Variants in SIL1 observed in about 807,000 individuals in gnomAD.
SIL1 encodes the protein nucleotide exchange factor SIL1.
A neutral mutation model predicts 49.1 loss-of-function variants in SIL1; 40 were observed. That is an observed-to-expected ratio of 0.81 (90% CI 0.63 to 1.06). The LOEUF (loss-of-function observed/expected upper bound fraction) is 1.06. Among genes scored for constraint, SIL1 ranks in the 50% least tolerant of loss-of-function variants. The pLI is 0.00. For missense variants in SIL1, 500 were observed against 572.6 expected, an observed-to-expected ratio of 0.87 and a Z score of 1.29; for synonymous variants, 253 against 250.8, an observed-to-expected ratio of 1.01 and a Z score of -0.08.
At chr5:139,194,586 A>G (rs1430319305) in intron 1 of SIL1, among the ~76,000 whole-genome samples, 1 of 152,230 alleles carries the variant, frequency 6.6e-6, no homozygotes, top group Non-Finnish European at 1.5e-5. Flanking sequence ...AAGAGAGAAG[A>G]TTAGCTCCAC....
chr5:139,115,964 T>C (rs1770978801), intron 3 of SIL1, among the ~76,000 whole-genome samples: 1 of 152,134 alleles, frequency 6.6e-6, no homozygotes, highest in South Asian at 2.1e-4. Context: ...ACATAGACAT[T>C]GGCAGATTTG....
chr5:139,065,030 G>A (rs1769674665), intron 3 of SIL1, among the ~76,000 whole-genome samples: 1 of 152,208 alleles, frequency 6.6e-6, no homozygotes, highest in Non-Finnish European at 1.5e-5. Flanking sequence ...TGCCATGATA[G>A]ATGCTCAAAC....
chr5:139,038,691 G>C (rs572170974), intron 5 of SIL1, among the ~76,000 whole-genome samples: 2 of 152,338 alleles, frequency 1.3e-5, no homozygotes, highest in African/African-American at 4.8e-5. Context: ...TGGCCACTGG[G>C]AGTGGAAGTC....
chr5:139,173,951 T>A, intron 1 of SIL1, among the ~76,000 whole-genome samples: 1 of 145,984 alleles, frequency 6.9e-6, no homozygotes. Context: ...AGAGTGAGAC[T>A]CTGTCTCAAA....
At chr5:138,956,808 AC>A (rs1561804199) in intron 7 of SIL1, among the ~76,000 whole-genome samples, 1 of 152,124 alleles carries the variant, frequency 6.6e-6, no homozygotes. Flanking sequence ...AACAACAACA[AC>A]AAAAAACAAA....
intron 3 of SIL1, among the ~76,000 whole-genome samples, chr5:139,051,980 T>C (rs1479614243): frequency 6.6e-6 from 1 of 152,188 alleles, no homozygotes; most frequent in African/African-American, 2.4e-5. Context: ...AGATGGTGCT[T>C]CTGACAACCT....
chr5:138,974,656 G>A (rs569137418), intron 7 of SIL1, among the ~76,000 whole-genome samples: 5 of 152,280 alleles, frequency 3.3e-5, no homozygotes, highest in East Asian at 1.9e-4. Context: ...TATGAAAGCT[G>A]GAGAGGGAAG....
chr5:138,961,031 T>C (rs1767009493), intron 7 of SIL1, among the ~76,000 whole-genome samples: 1 of 152,188 alleles, frequency 6.6e-6, no homozygotes. Context: ...TAAACTTTTC[T>C]ATATGGAGGG....
intron 1 of SIL1, among the ~76,000 whole-genome samples, chr5:139,137,745 T>G (rs1037386734): frequency 2.7e-5 from 4 of 147,298 alleles, no homozygotes; most frequent in African/African-American, 1.0e-4. Context: ...GTGTTCTCAT[T>G]GTTCAATTCC....
intron 1 of SIL1, among the ~76,000 whole-genome samples, chr5:139,194,656 G>A (rs1400006153): frequency 2.0e-5 from 3 of 152,144 alleles, no homozygotes; most frequent in Non-Finnish European, 2.9e-5. Flanking sequence ...GCTACAGAGC[G>A]TGATCCAAGC....
chr5:139,167,013 C>T (rs1357715953), intron 1 of SIL1, among the ~76,000 whole-genome samples: 4 of 152,080 alleles, frequency 2.6e-5, no homozygotes, highest in African/African-American at 7.2e-5. Context: ...GGGGTTTCAC[C>T]GTGTTAGCCA....
chr5:139,062,031 T>C (rs1187972381), intron 3 of SIL1, among the ~76,000 whole-genome samples: 1 of 152,224 alleles, frequency 6.6e-6, no homozygotes, highest in Non-Finnish European at 1.5e-5. Flanking sequence ...CCAGTTGCCA[T>C]GACTACTAAA....
chr5:138,977,820 C>T (rs1767425429), intron 7 of SIL1, among the ~76,000 whole-genome samples: 1 of 152,156 alleles, frequency 6.6e-6, no homozygotes, highest in Non-Finnish European at 1.5e-5. Flanking sequence ...CCATTCCAGC[C>T]ACACTCACCT....
chr5:138,947,228 C>A lies in SIL1; in HGVS notation c.1275G>T (p.Leu425=). The A allele has an allele frequency of 5.0e-6, 8 of 1,612,996 alleles. No homozygotes were observed. Among genetic ancestry groups the A allele is most frequent in the Non-Finnish European group, 6.8e-6 (8 of 1,179,912 alleles). The change falls in exon 10 of 10, where the codon CTG becomes CTT. Residue 425 remains leucine (L), a synonymous_variant. Coordinates refer to ENST00000394817, the MANE Select transcript of SIL1 (RefSeq NM_022464.5). This position sits in a 1 kb window ranked among gnomAD's most constrained non-coding sequence, Gnocchi z 4.1. ...DPQLGRTLAS[L]QAEYQVLASL... is the part of the protein sequence containing the mutation. Reference sequence around the variant, plus strand: ...TGGCCAGCACCTGGTACTCAGCCTGCAGGCTGGCCAGTGTCCTGCCGAGCT... The same window carrying A: ...TGGCCAGCACCTGGTACTCAGCCTGAAGGCTGGCCAGTGTCCTGCCGAGCT...
chr5:139,064,632 G>A (rs528669769), intron 3 of SIL1, among the ~76,000 whole-genome samples: 13 of 152,196 alleles, frequency 8.5e-5, no homozygotes, highest in Non-Finnish European at 1.8e-4. Context: ...GGTATTGAGA[G>A]ACCTACTAAG....
intron 7 of SIL1, among the ~76,000 whole-genome samples, chr5:139,001,899 G>C (rs891645696): frequency 6.7e-6 from 1 of 149,566 alleles, no homozygotes; most frequent in East Asian, 2.0e-4. Flanking sequence ...GTGAGACTCC[G>C]TCTAAAAAAA....
intron 7 of SIL1, among the ~76,000 whole-genome samples, chr5:138,978,848 C>G (rs1389493538): frequency 6.6e-6 from 1 of 152,086 alleles, no homozygotes; most frequent in Non-Finnish European, 1.5e-5. Flanking sequence ...AGATCCTTTG[C>G]CTATTTTTTA....
In SIL1 at chr5:138,951,946, G is replaced by A. The variant is rs951891714; in HGVS notation, c.768-62C>T. Reference sequence around the variant, plus strand: ...CCAGCCCAGGGATCGGATGGTCAGGGAACTGAGCCCATGTCAGCCATCCCT... The same window carrying A: ...CCAGCCCAGGGATCGGATGGTCAGGAAACTGAGCCCATGTCAGCCATCCCT... On this transcript the variant is annotated intron_variant, in intron 7 of 9. Coordinates refer to ENST00000394817, the MANE Select transcript of SIL1 (RefSeq NM_022464.5). The A allele has an allele frequency of 2.7e-5, 39 of 1,430,966 alleles. 1 individual carries two copies. The highest frequency in any genetic ancestry group is 1.0e-4 in the South Asian group (9 of 87,568). The allele number at this position is 1,430,966 out of a possible 1,614,324, so 88.6% of individuals were successfully genotyped here.
chr5:139,005,287 T>C (rs12719518), intron 7 of SIL1, among the ~76,000 whole-genome samples: 64,972 of 151,800 alleles, frequency 0.43, 14,973 homozygotes, highest in African/African-American at 0.61. Context: ...GTTCTAGTTG[T>C]GTCATTTTCT....
Sources: gnomAD v4.1 joint callset for allele counts (sites outside exome capture counted in the v4.1 genomes callset) on GRCh38, gnomAD v4.1.1 for gene constraint, Gnocchi (gnomAD v3.1) non-coding constraint, MANE v1.5 for transcripts, NCBI Gene and HGNC (gene_info 2026-07-23, HGNC 2026-07-21) for gene names.